RMST: variants seen among roughly 807,000 people sequenced by gnomAD.
RMST encodes the protein long intergenic non-protein coding RNA 54.
chr12:97,512,803 G>A (rs901050326), intron 10 of RMST, among the ~76,000 whole-genome samples: 3 of 152,230 alleles, frequency 2.0e-5, no homozygotes, highest in African/African-American at 7.2e-5. Context: ...TAGCCCTTGG[G>A]TGGTCGATGG....
chr12:97,526,245 A>C (rs976517531), intron 10 of RMST, among the ~76,000 whole-genome samples: 1 of 152,082 alleles, frequency 6.6e-6, no homozygotes, highest in African/African-American at 2.4e-5. Flanking sequence ...CCTGGTGCCA[A>C]AAATGTTGGA....
rs1882942761 is a variant in RMST at position 97,546,535 on chromosome 12, T to A, written n.1546-14002T>A. ...AGGTGGAGGTTGCAGTGAACCGAGATCTCACCACTGCACTCCAGCCTGGGT... is the reference window on the plus strand; with the variant it reads ...AGGTGGAGGTTGCAGTGAACCGAGAACTCACCACTGCACTCCAGCCTGGGT... On this transcript the variant is annotated intron_variant and non_coding_transcript_variant, in intron 11 of 13. Coordinates refer to ENST00000640149, the Ensembl canonical transcript of RMST. 2.6e-5 allele frequency among the ~76,000 whole-genome samples: 4 copies of A among 151,476 alleles called. No individual in the cohort carries two copies. The South Asian group carries it at 8.3e-4, about 32-fold the overall frequency.
chr12:97,501,331 T>C (rs938358759), intron 10 of RMST, among the ~76,000 whole-genome samples: 5 of 152,218 alleles, frequency 3.3e-5, no homozygotes, highest in Admixed American at 2.6e-4. Flanking sequence ...CTTAACAATA[T>C]ACCCACAGGA....
intron 10 of RMST, among the ~76,000 whole-genome samples, chr12:97,519,355 C>T (rs1197085015): frequency 6.6e-6 from 1 of 152,130 alleles, no homozygotes; most frequent in South Asian, 2.1e-4. Flanking sequence ...CATTTGGTGG[C>T]TTGTTTTACT....
chr12:97,554,788 T>C (rs978143639), intron 11 of RMST, among the ~76,000 whole-genome samples: 1 of 152,172 alleles, frequency 6.6e-6, no homozygotes, highest in African/African-American at 2.4e-5. Flanking sequence ...GTAGTGATTA[T>C]GGAATACAAT....
intron 11 of RMST, chr12:97,551,769 A>G (rs985271130): frequency 5.9e-5 from 9 of 152,182 alleles, no homozygotes; most frequent in Admixed American, 5.9e-4. Flanking sequence ...TCTCATAAAA[A>G]CTTTCAAATT....
At chr12:97,529,373 A>G (rs1159629809) in intron 10 of RMST, among the ~76,000 whole-genome samples, 1 of 152,072 alleles carries the variant, frequency 6.6e-6, no homozygotes, top group East Asian at 1.9e-4. Context: ...TGAATTATTA[A>G]TATAGTGCAC....
chr12:97,479,165 G>T (rs539563583), intron 5 of RMST, among the ~76,000 whole-genome samples: 1 of 99,924 alleles, frequency 1.0e-5, no homozygotes, highest in Non-Finnish European at 1.9e-5. Context: ...TTTGAGACAA[G>T]GTCTCACTCT....
At chr12:97,513,090 G>A (rs993592590) in intron 10 of RMST, among the ~76,000 whole-genome samples, 4 of 152,188 alleles carry the variant, frequency 2.6e-5, no homozygotes, top group Admixed American at 6.5e-5. Context: ...CAAGCACCGC[G>A]CGCAGCCCGG....
rs960973510 is a variant in RMST, at chr12:97,549,457, G to A, written n.1546-11080G>A. Among the ~76,000 whole-genome samples, 7 of 152,296 alleles carry A rather than the reference G, an allele frequency of 4.6e-5. No homozygotes were observed. In the South Asian group the frequency reaches 6.2e-4, roughly 14 times the overall value. On this transcript the variant is annotated intron_variant and non_coding_transcript_variant, in intron 11 of 13. Coordinates refer to ENST00000640149, the Ensembl canonical transcript of RMST. ...TAAACATTCTTTTTAAAATTAGCCC[G>A]AAAGGGCAATAAATTAGGCCTCTCT...
At chr12:97,487,835 G>A (rs1339992132) in intron 5 of RMST, among the ~76,000 whole-genome samples, 2 of 152,306 alleles carry the variant, frequency 1.3e-5, no homozygotes, top group Middle Eastern at 3.4e-3. Flanking sequence ...AGTAATTCAC[G>A]GTTGAGGTTG....
chr12:97,541,865 T>C (rs1882566611), intron 11 of RMST, among the ~76,000 whole-genome samples: 1 of 151,906 alleles, frequency 6.6e-6, no homozygotes, highest in Non-Finnish European at 1.5e-5. Flanking sequence ...ACCTTCTGTA[T>C]GTCAGCTATT....
chr12:97,534,052 G>A (rs2136599933), intron 11 of RMST, among the ~76,000 whole-genome samples: 1 of 151,858 alleles, frequency 6.6e-6, no homozygotes, highest in African/African-American at 2.4e-5. Context: ...TTGAAGCATA[G>A]ATTAATAATA....
At chr12:97,492,785 C>T (rs1876996782) in intron 6 of RMST, 1 of 152,028 alleles carries the variant, frequency 6.6e-6, no homozygotes, top group African/African-American at 2.4e-5. Context: ...CAGTTTACTC[C>T]CTTGAAGGTC....
At chr12:97,520,722 A>G (rs559425358) in intron 10 of RMST, among the ~76,000 whole-genome samples, 15 of 152,318 alleles carry the variant, frequency 9.8e-5, no homozygotes, top group Non-Finnish European at 1.9e-4. Context: ...ATGAGTGTGT[A>G]TGTGCTTTGT....
chr12:97,479,996 A>G (rs1286244721), intron 5 of RMST, among the ~76,000 whole-genome samples: 1 of 152,046 alleles, frequency 6.6e-6, no homozygotes, highest in African/African-American at 2.4e-5. Flanking sequence ...AAACCCAAGA[A>G]TCACTTTTGG....
intron 10 of RMST, among the ~76,000 whole-genome samples, chr12:97,506,619 A>G (rs946616053): frequency 1.3e-5 from 2 of 152,064 alleles, no homozygotes; most frequent in Admixed American, 6.6e-5. Context: ...CACCTAAAAA[A>G]GATGACATTT....
chr12:97,487,525 A>C (rs981152370), intron 5 of RMST, among the ~76,000 whole-genome samples: 8 of 152,190 alleles, frequency 5.3e-5, no homozygotes, highest in Admixed American at 2.6e-4. Context: ...TCTGAAAAGC[A>C]CGTTTGATGG....
At chr12:97,548,069 T>A (rs1883064680) in intron 11 of RMST, among the ~76,000 whole-genome samples, 1 of 152,142 alleles carries the variant, frequency 6.6e-6, no homozygotes, top group Admixed American at 6.6e-5. Context: ...AATTGATTTT[T>A]GTATATAGTT....
Sources: allele counts gnomAD v4.1 joint callset (sites outside exome capture counted in the v4.1 genomes callset), GRCh38; gene constraint gnomAD v4.1.1; transcripts MANE v1.5; gene names NCBI Gene and HGNC (gene_info 2026-07-23, HGNC 2026-07-21).